Variants in GPC5 observed in about 807,000 individuals in gnomAD.
The protein encoded by GPC5 is glypican 5.
Under a neutral mutation model 53.9 loss-of-function variants are expected in GPC5, and 47 were observed. The observed-to-expected ratio is 0.87, with a 90% confidence interval of 0.69 to 1.11. GPC5 has a LOEUF of 1.11. Among genes scored for constraint, GPC5 ranks in the 50% most tolerant of loss-of-function variants. GPC5 has a pLI of 0.00. For synonymous variants in GPC5, 286 were observed against 263.3 expected (o/e 1.09, Z -0.84); for missense variants, 748 against 713.1 (o/e 1.05, Z -0.56).
intron 7 of GPC5, among the ~76,000 whole-genome samples, chr13:92,864,839 A>G (rs187769778): frequency 6.6e-6 from 1 of 152,322 alleles, no homozygotes; most frequent in Non-Finnish European, 1.5e-5. Flanking sequence ...GTCTGAATGC[A>G]GCACAGCTTA....
chr13:92,816,000 T>C (rs756080519), intron 7 of GPC5, among the ~76,000 whole-genome samples: 5 of 151,994 alleles, frequency 3.3e-5, no homozygotes, highest in Non-Finnish European at 7.4e-5. Context: ...CCTAGGGTTC[T>C]GGGGAAAGAT....
intron 5 of GPC5, among the ~76,000 whole-genome samples, chr13:91,765,978 A>C (rs1396020190): frequency 1.3e-5 from 2 of 152,212 alleles, no homozygotes; most frequent in Non-Finnish European, 2.9e-5. Context: ...GTATTCACTT[A>C]AAATTCTGTA....
At chr13:91,784,908 C>T (rs541355341) in intron 5 of GPC5, among the ~76,000 whole-genome samples, 1 of 152,298 alleles carries the variant, frequency 6.6e-6, no homozygotes, top group Non-Finnish European at 1.5e-5. Flanking sequence ...CACTGCTCTA[C>T]CAAAACTTCT....
rs200464306 is a variant in GPC5, at chr13:92,730,888, G to A, written c.1562-135394G>A. Among the ~76,000 whole-genome samples the A allele has an allele frequency of 2.6e-4, 40 of 151,530 alleles. No individual in the cohort carries two copies. In the East Asian group the frequency reaches 4.7e-3, roughly 18 times the overall value. On this transcript the variant is annotated intron_variant, in intron 7 of 7. Coordinates refer to ENST00000377067, the MANE Select transcript of GPC5 (RefSeq NM_004466.6). ...ACCAGTAGTCTGAATGGGTCTTAGC[G>A]GGTGGTGAAAATTATTACCAATTCA... is the stretch of plus-strand genomic sequence containing the variant.
chr13:92,380,339 A>G (rs1006008189), intron 7 of GPC5, among the ~76,000 whole-genome samples: 2 of 152,110 alleles, frequency 1.3e-5, no homozygotes, highest in Non-Finnish European at 2.9e-5. Flanking sequence ...AAACTCATCA[A>G]ATTTCCTTTC....
chr13:92,256,768 A>C (rs981246961), intron 7 of GPC5, among the ~76,000 whole-genome samples: 11 of 152,040 alleles, frequency 7.2e-5, no homozygotes, highest in African/African-American at 1.4e-4. Context: ...TAAAAAAAAA[A>C]CACATTCCCA....
chr13:91,993,554 G>A (rs1378624337), intron 6 of GPC5, among the ~76,000 whole-genome samples: 1 of 152,168 alleles, frequency 6.6e-6, no homozygotes, highest in Non-Finnish European at 1.5e-5. Flanking sequence ...CGTTTTGTCA[G>A]ATCAATTGTC....
intron 5 of GPC5, among the ~76,000 whole-genome samples, chr13:91,833,160 C>A (rs200173948): frequency 6.6e-6 from 1 of 151,626 alleles, no homozygotes; most frequent in Admixed American, 6.6e-5. Flanking sequence ...TGGATAAATT[C>A]CTGGACACAT....
chr13:91,685,160 G>A (rs1386773728), intron 2 of GPC5, among the ~76,000 whole-genome samples: 1 of 152,050 alleles, frequency 6.6e-6, no homozygotes, highest in East Asian at 1.9e-4. Context: ...AAATTAGCTG[G>A]GCATGGTGGT....
intron 7 of GPC5, among the ~76,000 whole-genome samples, chr13:92,699,111 T>A (rs1887650491): frequency 1.3e-5 from 2 of 152,154 alleles, no homozygotes; most frequent in Admixed American, 1.3e-4. Flanking sequence ...CAGAACTTGT[T>A]ACTGGTCTAT....
At chr13:91,752,744 G>A (rs1007332395) in intron 4 of GPC5, among the ~76,000 whole-genome samples, 19 of 152,072 alleles carry the variant, frequency 1.2e-4, no homozygotes, top group African/African-American at 3.6e-4. Context: ...TGGGTCTCAC[G>A]TCACATGTCC....
At chr13:91,731,880 C>CA (rs1366290730) in intron 4 of GPC5, among the ~76,000 whole-genome samples, 1 of 152,152 alleles carries the variant, frequency 6.6e-6, no homozygotes, top group Non-Finnish European at 1.5e-5. Context: ...TTTATGGCTG[C>CA]ATAGTATTCC....
chr13:92,799,838 T>C (rs544646860), intron 7 of GPC5, among the ~76,000 whole-genome samples: 5 of 151,828 alleles, frequency 3.3e-5, no homozygotes, highest in Non-Finnish European at 7.4e-5. Context: ...TAAATGTGCA[T>C]CCAAATAATT....
intron 6 of GPC5, among the ~76,000 whole-genome samples, chr13:91,978,129 G>A (rs2040324104): frequency 1.3e-5 from 2 of 152,182 alleles, no homozygotes; most frequent in African/African-American, 4.8e-5. Context: ...GCCACTGCAT[G>A]TTCTCATGAA....
intron 6 of GPC5, chr13:91,994,398 G>C (rs1289467172): frequency 6.6e-6 from 1 of 152,162 alleles, no homozygotes; most frequent in Non-Finnish European, 1.5e-5. Flanking sequence ...GGCCATCATG[G>C]ATTTTCCTTA....
At chr13:91,939,376 T>C (rs1047982888) in intron 6 of GPC5, among the ~76,000 whole-genome samples, 1 of 152,150 alleles carries the variant, frequency 6.6e-6, no homozygotes, top group Non-Finnish European at 1.5e-5. Flanking sequence ...TCTGAGAGTA[T>C]TAGTTAATAT....
chr13:92,031,821 TATATATA>T (rs1423682683), intron 6 of GPC5, among the ~76,000 whole-genome samples: 187 of 102,070 alleles, frequency 1.8e-3, no homozygotes, highest in African/African-American at 7.0e-3. Context: ...TATTACATAT[TATATATA>T]ATATATAATA....
intron 6 of GPC5, among the ~76,000 whole-genome samples, chr13:91,935,983 G>C (rs1032065212): frequency 2.0e-5 from 3 of 151,924 alleles, no homozygotes; most frequent in Non-Finnish European, 4.4e-5. Context: ...AGAAGTATGA[G>C]ATCCTTACAA....
chr13:92,122,157 A>G (rs1268978007), intron 6 of GPC5, among the ~76,000 whole-genome samples: 3 of 152,206 alleles, frequency 2.0e-5, no homozygotes, highest in African/African-American at 7.2e-5. Flanking sequence ...CAGGAATCTT[A>G]AAAAGAAATT....
Sources: gnomAD v4.1 joint callset for allele counts (sites outside exome capture counted in the v4.1 genomes callset) on GRCh38, gnomAD v4.1.1 for gene constraint, MANE v1.5 for transcripts, NCBI Gene and HGNC (gene_info 2026-07-23, HGNC 2026-07-21) for gene names.